DNAJC10: variants seen among roughly 807,000 people sequenced by gnomAD.
The protein encoded by DNAJC10 is DnaJ heat shock protein family (Hsp40) member C10, also known as endoplasmic reticulum disulfide reductase DNAJC10.
Under a neutral mutation model 115.0 loss-of-function variants are expected in DNAJC10, and 101 were observed. The ratio of observed to expected loss-of-function variants is 0.88; its 90% CI spans 0.75 to 1.04. The LOEUF is 1.04. Among genes scored for constraint, DNAJC10 ranks in the 50% least tolerant of loss-of-function variants. The probability of loss-of-function intolerance (pLI) is 0.00; values close to 1 mark genes in which losing one functional copy is unlikely to be tolerated. For synonymous variants in DNAJC10, 307 were observed against 301.5 expected (o/e 1.02, Z -0.19); for missense variants, 981 against 928.8 (o/e 1.06, Z -0.73).
intron 14 of DNAJC10, among the ~76,000 whole-genome samples, chr2:182,748,434 C>G (rs1693927476): frequency 6.6e-6 from 1 of 152,142 alleles, no homozygotes; most frequent in Admixed American, 6.5e-5. Context: ...TTCAGAGATT[C>G]AACTTCTTCC....
intron 18 of DNAJC10, 100 bp from the exon 19 acceptor site, chr2:182,757,588 GATAA>G (rs942467850): frequency 1.3e-5 from 11 of 836,296 alleles, no homozygotes; most frequent in African/African-American, 7.2e-5. Context: ...AAAAGTCACT[GATAA>G]ATAATATAAT....
At chr2:182,716,755 G>A (rs903097566) in intron 1 of DNAJC10, among the ~76,000 whole-genome samples, 24 of 152,116 alleles carry the variant, frequency 1.6e-4, no homozygotes, top group Non-Finnish European at 3.2e-4. Flanking sequence ...CTGTTCCCCC[G>A]TGTCTTCATC....
At chr2:182,744,961 C>T (rs1256181010) in intron 14 of DNAJC10, among the ~76,000 whole-genome samples, 1 of 152,178 alleles carries the variant, frequency 6.6e-6, no homozygotes, top group East Asian at 1.9e-4. Context: ...GTTTCAGGCC[C>T]ATCATCGCCT....
Position 182,720,027 on chromosome 2 carries a change from C to T in DNAJC10, c.225C>T (p.Gly75=), listed in dbSNP as rs150009047. Residue 75 remains glycine (G), a synonymous_variant, in exon 4 of 24, where the codon GGC becomes GGT. Coordinates refer to ENST00000264065, the MANE Select transcript of DNAJC10 (RefSeq NM_018981.4). Reference sequence around the variant, plus strand: ...AACAGAATAACCCAAATGCACATGGCGATTTTTTAAAAATAAATAGAGCAT... The same window carrying T: ...AACAGAATAACCCAAATGCACATGGTGATTTTTTAAAAATAAATAGAGCAT... ...DKNPNNPNAH[G]DFLKINRAYE... is the part of the protein sequence containing the mutation. The T allele has an allele frequency of 8.2e-5, 129 of 1,563,966 alleles. No homozygotes were observed. In the African/African-American group the frequency reaches 1.4e-3, roughly 17 times the overall value.
At chr2:182,772,490 T>C (rs1694592345) in intron 22 of DNAJC10, among the ~76,000 whole-genome samples, 1 of 152,228 alleles carries the variant, frequency 6.6e-6, no homozygotes, top group Non-Finnish European at 1.5e-5. Context: ...TTTATGAATC[T>C]GGGTGCTCCT....
In DNAJC10 at chr2:182,762,875, T is replaced by A; in HGVS notation, c.2265+74T>A. 2.7e-6 allele frequency: 4 copies of A among 1,473,942 alleles called. No individual in the cohort carries two copies. The South Asian group carries it at 5.4e-5, about 20-fold the overall frequency. The allele number at this position is 1,473,942 out of a possible 1,614,324, so 91.3% of individuals were successfully genotyped here. On this transcript the variant is annotated intron_variant, in intron 22 of 23. Coordinates refer to ENST00000264065, the MANE Select transcript of DNAJC10 (RefSeq NM_018981.4). ...AAGATGTGTTTCAGTCTGAGTAATG[T>A]TTTTTTTCTGTTTTCTCATCCTTGT... is the stretch of plus-strand genomic sequence containing the variant.
rs1263412966 is a variant in DNAJC10 at position 182,787,192 on chromosome 2, G to C, written c.*10060G>C. On this transcript the variant is annotated 3_prime_UTR_variant, in exon 24 of 24. Coordinates refer to ENST00000264065, the MANE Select transcript of DNAJC10 (RefSeq NM_018981.4). ...CACTGGTCAGGTGAATGCCAGAGGA[G>C]CTGGTCCACAGTCATAGGCGTTAAA... 6 of 152,256 alleles carry C rather than the reference G, an allele frequency of 3.9e-5. No individual in the cohort carries two copies. Among genetic ancestry groups the C allele is most frequent in the Non-Finnish European group, 7.3e-5 (5 of 68,092 alleles). The allele number at this position is 152,256 out of a possible 1,614,324, so 9.4% of individuals were successfully genotyped here.
At position 182,789,846 on chromosome 2, in the gene DNAJC10, ATAG is replaced by A. The variant is rs1445305663; in HGVS notation, c.*12718_*12720del. The A allele has an allele frequency of 5.9e-5, 9 of 152,164 alleles. No individual in the cohort carries two copies. The highest frequency in any genetic ancestry group is 2.1e-4 in the South Asian group (1 of 4,828). The allele number at this position is 152,164 out of a possible 1,614,324, so 9.4% of individuals were successfully genotyped here. The stretch of plus-strand genomic sequence containing the variant: ...CCTCACCAACACTCATTTTTTTTAA[ATAG>A]TAGGTATCCCAATGAGTGTGCGTTC... On this transcript the variant is annotated 3_prime_UTR_variant, in exon 24 of 24. Coordinates refer to ENST00000264065, the MANE Select transcript of DNAJC10 (RefSeq NM_018981.4).
intron 19 of DNAJC10, among the ~76,000 whole-genome samples, chr2:182,758,253 C>T (rs532618340): frequency 6.8e-4 from 104 of 152,258 alleles, no homozygotes; most frequent in African/African-American, 2.4e-3. Flanking sequence ...TAGATAACTT[C>T]CCCAAGTCAC....
chr2:182,769,550 T>C (rs1242566154), intron 22 of DNAJC10, among the ~76,000 whole-genome samples: 1 of 152,220 alleles, frequency 6.6e-6, no homozygotes, highest in Non-Finnish European at 1.5e-5. Context: ...TCATTGTGGT[T>C]TTGATTTGCA....
chr2:182,767,639 C>A (rs1694448040), intron 22 of DNAJC10, among the ~76,000 whole-genome samples: 1 of 152,006 alleles, frequency 6.6e-6, no homozygotes, highest in Non-Finnish European at 1.5e-5. Context: ...AGAATGAGTT[C>A]TCAGACAATT....
rs1574921733 is a variant in DNAJC10, at chr2:182,728,613, T to C, written c.456T>C (p.Asn152=). ...AVNSGELWFV[N]FYSPGCSHCH... ...ATTCTGGAGAACTGTGGTTTGTAAA[T>C]TTTTACTCCCCAGGCTGTTCACACT... Residue 152 remains asparagine, a synonymous_variant, in exon 6 of 24, where the codon AAT becomes AAC. Coordinates refer to ENST00000264065, the MANE Select transcript of DNAJC10 (RefSeq NM_018981.4). The C allele has an allele frequency of 6.2e-7, 1 of 1,612,550 alleles. No individual in the cohort carries two copies. The highest frequency in any genetic ancestry group is 2.2e-5 in the East Asian group (1 of 44,796).
At chr2:182,771,236 A>G (rs1407789131) in intron 22 of DNAJC10, among the ~76,000 whole-genome samples, 1 of 136,296 alleles carries the variant, frequency 7.3e-6, no homozygotes, top group Non-Finnish European at 1.7e-5. Context: ...TTTCACATCA[A>G]TATTTAGGAT....
Position 182,758,834 on chromosome 2 carries a change from C to G in DNAJC10, c.1944-3C>G. ...TTACAACTAACATTTTTTCTTCTCT[C>G]AGCAGTTACAATGGTTGGAATAGGG... is the stretch of plus-strand genomic sequence containing the variant. On this transcript the variant is annotated splice_polypyrimidine_tract_variant and splice_region_variant and intron_variant, in intron 19 of 23. Coordinates refer to ENST00000264065, the MANE Select transcript of DNAJC10 (RefSeq NM_018981.4). 1 of 1,603,808 alleles carries G rather than the reference C, an allele frequency of 6.2e-7. No individual in the cohort carries two copies. The highest frequency in any genetic ancestry group is 8.5e-7 in the Non-Finnish European group (1 of 1,171,130).
At chr2:182,723,037 CTTT>C (rs372893280) in intron 5 of DNAJC10, among the ~76,000 whole-genome samples, 3 of 105,770 alleles carry the variant, frequency 2.8e-5, no homozygotes, top group African/African-American at 3.7e-5. Flanking sequence ...GCAAGGGTGG[CTTT>C]TTTTTTTTTT....
At chr2:182,743,563 G>A in intron 13 of DNAJC10, 35 bp from the exon 14 acceptor site, 1 of 1,422,442 alleles carries the variant, frequency 7.0e-7, no homozygotes, top group Non-Finnish European at 9.9e-7. Flanking sequence ...GGGTAAGACA[G>A]TGTTTTTATC....
intron 3 of DNAJC10, 106 bp downstream of exon 3, chr2:182,718,396 C>A: frequency 1.1e-6 from 1 of 943,464 alleles, no homozygotes; most frequent in Non-Finnish European, 1.5e-6. Flanking sequence ...AATCATATGT[C>A]AAAATTATAA....
chr2:182,723,965 A>C (rs1332082306), intron 5 of DNAJC10, among the ~76,000 whole-genome samples: 1 of 152,210 alleles, frequency 6.6e-6, no homozygotes, highest in Non-Finnish European at 1.5e-5. Flanking sequence ...CCCTCTAGTG[A>C]AGCTTTCCCA....
rs568117043 is a variant in DNAJC10, at chr2:182,770,314, A to C, written c.2266-5002A>C. Among the ~76,000 whole-genome samples, 15 of 152,294 alleles carry C rather than the reference A, an allele frequency of 9.8e-5. No homozygotes were observed. The East Asian group carries it at 2.7e-3, about 27-fold the overall frequency. ...GCAATACGGGCTCTTTTTTGGTTCC[A>C]TATGAAATTTAAAGTAGTTTTTTTC... On this transcript the variant is annotated intron_variant, in intron 22 of 23. Coordinates refer to ENST00000264065, the MANE Select transcript of DNAJC10 (RefSeq NM_018981.4).
Sources: allele counts gnomAD v4.1 joint callset (sites outside exome capture counted in the v4.1 genomes callset), GRCh38; gene constraint gnomAD v4.1.1; transcripts MANE v1.5; gene names NCBI Gene and HGNC (gene_info 2026-07-23, HGNC 2026-07-21).